Variants in HS3ST4 observed in about 807,000 individuals in gnomAD.
HS3ST4 encodes heparan sulfate-glucosamine 3-sulfotransferase 4.
Under a neutral mutation model 29.2 loss-of-function variants are expected in HS3ST4, and 17 were observed. That is an observed-to-expected ratio of 0.58 (90% confidence interval 0.40 to 0.87). The LOEUF (loss-of-function observed/expected upper bound fraction) is 0.87. HS3ST4 is among the 40% of genes least tolerant of loss of function. The pLI is 0.00. For missense variants in HS3ST4, 627 were observed against 634.5 expected, an observed-to-expected ratio of 0.99 and a Z score of 0.13; for synonymous variants, 314 against 285.7, an observed-to-expected ratio of 1.10 and a Z score of -1.00.
chr16:25,946,567 C>T (rs1366533879), intron 1 of HS3ST4, among the ~76,000 whole-genome samples: 1 of 152,184 alleles, frequency 6.6e-6, no homozygotes, highest in Non-Finnish European at 1.5e-5. Flanking sequence ...TGTGCAAATG[C>T]TGTGGATACA....
intron 1 of HS3ST4, among the ~76,000 whole-genome samples, chr16:25,929,699 G>A (rs749651160): frequency 5.9e-5 from 9 of 152,180 alleles, no homozygotes; most frequent in African/African-American, 1.9e-4. Flanking sequence ...CCATCTAGAA[G>A]GTTGGCAGCA....
chr16:25,692,329 GGC>G lies in HS3ST4; in HGVS notation c.-87_-86del. On this transcript the variant is annotated 5_prime_UTR_variant, in exon 1 of 2. An upstream open reading frame in the 5' UTR gains an earlier in-frame stop. Transcript: ENST00000331351. ...CAGCGGCGGCGGCGGCGGCGGCGGC[GGC>G]GGCGGCGGGGGCGGCGGCTGAAACC... 6.2e-6 allele frequency: 1 copy of G among 162,042 alleles called. No homozygotes were observed. The highest frequency in any genetic ancestry group is 1.2e-5 in the Non-Finnish European group (1 of 80,298). 10.0% of individuals were successfully genotyped at this position (162,042 alleles called of 1,614,324 possible).
At chr16:25,873,356 AT>A (rs1967779818) in intron 1 of HS3ST4, among the ~76,000 whole-genome samples, 1 of 148,860 alleles carries the variant, frequency 6.7e-6, no homozygotes, top group Non-Finnish European at 1.5e-5. Context: ...CTATCCATCC[AT>A]CCACCTAGCA....
At chr16:25,830,139 T>G (rs575426979) in intron 1 of HS3ST4, among the ~76,000 whole-genome samples, 1 of 152,314 alleles carries the variant, frequency 6.6e-6, no homozygotes, top group African/African-American at 2.4e-5. Context: ...ATACATTAAA[T>G]GGGCTCTTCC....
At chr16:26,068,512 A>G (rs1898566338) in intron 1 of HS3ST4, among the ~76,000 whole-genome samples, 1 of 152,174 alleles carries the variant, frequency 6.6e-6, no homozygotes, top group Non-Finnish European at 1.5e-5. Flanking sequence ...AGTGTGAAAG[A>G]AAATTTGAAC....
intron 1 of HS3ST4, among the ~76,000 whole-genome samples, chr16:25,799,487 A>G (rs1456119935): frequency 6.6e-6 from 1 of 152,224 alleles, no homozygotes; most frequent in Non-Finnish European, 1.5e-5. Context: ...CCAGTTGTTA[A>G]TGTTTCAGTG....
chr16:25,908,195 A>G lies in HS3ST4; in HGVS notation c.734+215044A>G, dbSNP rs559700244. On this transcript the variant is annotated intron_variant, in intron 1 of 1. Coordinates refer to ENST00000331351, the MANE Select transcript of HS3ST4 (RefSeq NM_006040.3). Reference sequence around the variant, plus strand: ...GCTGGGTCTGCTTGGCCCTAACGACATCTGCCACAGATGAGAACCTAAAAA... The same window carrying G: ...GCTGGGTCTGCTTGGCCCTAACGACGTCTGCCACAGATGAGAACCTAAAAA... 3.0e-4 allele frequency among the ~76,000 whole-genome samples: 45 copies of G among 152,316 alleles called. 1 individual carries two copies. The East Asian group carries it at 8.1e-3, about 27-fold the overall frequency.
chr16:25,784,088 A>G (rs1460284329), intron 1 of HS3ST4, among the ~76,000 whole-genome samples: 1 of 152,146 alleles, frequency 6.6e-6, no homozygotes, highest in African/African-American at 2.4e-5. Context: ...GTGATCAGTG[A>G]TCTTTGATGT....
chr16:26,011,722 GGT>G (rs55657831), intron 1 of HS3ST4, among the ~76,000 whole-genome samples: 7 of 150,034 alleles, frequency 4.7e-5, no homozygotes, highest in African/African-American at 1.5e-4. Context: ...GACAGAGAGA[GGT>G]GTGTGTGTGT....
chr16:26,060,812 C>T (rs377336051), intron 1 of HS3ST4, among the ~76,000 whole-genome samples: 7 of 152,178 alleles, frequency 4.6e-5, no homozygotes, highest in South Asian at 2.1e-4. Flanking sequence ...TACCACCCTG[C>T]GATCGGTTGG....
intron 1 of HS3ST4, among the ~76,000 whole-genome samples, chr16:25,920,571 A>G (rs1466309580): frequency 4.0e-5 from 6 of 149,666 alleles, no homozygotes; most frequent in Non-Finnish European, 5.9e-5. Context: ...AATGTCCACA[A>G]GTAGAAATCC....
At chr16:25,831,396 T>TACACAC (rs58851793) in intron 1 of HS3ST4, among the ~76,000 whole-genome samples, 5,432 of 125,988 alleles carry the variant, frequency 0.043, 164 homozygotes, top group East Asian at 0.06. Context: ...ACCCCGTCTC[T>TACACAC]ACACACACAC....
At position 25,817,191 on chromosome 16, in the gene HS3ST4, G is replaced by C. The variant is rs116535245; in HGVS notation, c.734+124040G>C. 2.0e-3 allele frequency among the ~76,000 whole-genome samples: 308 copies of C among 152,338 alleles called. 1 individual carries two copies. Among genetic ancestry groups the C allele is most frequent in the African/African-American group, 6.7e-3 (280 of 41,570 alleles). ...GTCCTCAACCTTAGAGTTAATAACA[G>C]TACTTGCCCAATGGGGCTGTTGATA... is the stretch of plus-strand genomic sequence containing the variant. On this transcript the variant is annotated intron_variant, in intron 1 of 1. Coordinates refer to ENST00000331351, the MANE Select transcript of HS3ST4 (RefSeq NM_006040.3).
intron 1 of HS3ST4, among the ~76,000 whole-genome samples, chr16:25,892,923 T>C (rs553838438): frequency 6.6e-6 from 1 of 152,178 alleles, no homozygotes; most frequent in East Asian, 1.9e-4. Context: ...ATAGAATAAA[T>C]AAGTAGACAA....
intron 1 of HS3ST4, among the ~76,000 whole-genome samples, chr16:25,712,149 A>ATT (rs1439147824): frequency 6.6e-6 from 1 of 152,138 alleles, no homozygotes; most frequent in African/African-American, 2.4e-5. Context: ...TATAGACAAG[A>ATT]TACTATTCTT....
intron 1 of HS3ST4, among the ~76,000 whole-genome samples, chr16:26,133,873 C>A (rs1357338557): frequency 1.3e-5 from 2 of 152,196 alleles, no homozygotes; most frequent in Non-Finnish European, 2.9e-5. Context: ...CCTAAATGCA[C>A]CACTTTGGTG....
intron 1 of HS3ST4, among the ~76,000 whole-genome samples, chr16:26,123,637 C>T (rs1596689921): frequency 6.6e-6 from 1 of 152,292 alleles, no homozygotes; most frequent in South Asian, 2.1e-4. Context: ...ATGCTATACT[C>T]AATATGTAGT....
chr16:26,063,537 A>C (rs1596668147), intron 1 of HS3ST4, among the ~76,000 whole-genome samples: 1 of 151,814 alleles, frequency 6.6e-6, no homozygotes, highest in African/African-American at 2.4e-5. Flanking sequence ...AAAGAAAAAA[A>C]CCATTAAAAA....
At chr16:25,900,374 A>C (rs959146472) in intron 1 of HS3ST4, among the ~76,000 whole-genome samples, 2 of 152,088 alleles carry the variant, frequency 1.3e-5, no homozygotes, top group Non-Finnish European at 2.9e-5. Flanking sequence ...TGCCACCTTT[A>C]ACAACTTTAT....
Sources: allele counts gnomAD v4.1 joint callset (sites outside exome capture counted in the v4.1 genomes callset), GRCh38; gene constraint gnomAD v4.1.1; transcripts MANE v1.5; gene names NCBI Gene and HGNC (gene_info 2026-07-23, HGNC 2026-07-21).